Variants in NKAIN2 observed in about 807,000 individuals in gnomAD.
NKAIN2 encodes the protein sodium/potassium transporting ATPase interacting 2.
NKAIN2 carries 14 observed loss-of-function variants against 32.6 expected under a neutral mutation model. That is an observed-to-expected ratio of 0.43 (90% confidence interval 0.28 to 0.67). NKAIN2 has a LOEUF of 0.67. Among genes scored for constraint, NKAIN2 ranks in the 30% least tolerant of loss-of-function variants. The pLI is 0.17. For missense variants in NKAIN2, 198 were observed against 258.3 expected (o/e 0.77, Z 1.60); for synonymous variants, 80 against 87.2 (o/e 0.92, Z 0.46).
intron 1 of NKAIN2, among the ~76,000 whole-genome samples, chr6:123,841,670 G>A (rs1481782827): frequency 1.3e-5 from 2 of 152,126 alleles, no homozygotes; most frequent in African/African-American, 2.4e-5. Flanking sequence ...CAATGGTCAC[G>A]GGAACCACTT....
intron 1 of NKAIN2, among the ~76,000 whole-genome samples, chr6:123,990,496 T>C (rs1359758303): frequency 6.6e-6 from 1 of 152,180 alleles, no homozygotes; most frequent in Non-Finnish European, 1.5e-5. Context: ...GTTGTAAGAC[T>C]AGTGCTGTTG....
intron 4 of NKAIN2, among the ~76,000 whole-genome samples, chr6:124,739,985 C>T (rs1236255567): frequency 1.3e-5 from 2 of 151,932 alleles, no homozygotes; most frequent in South Asian, 4.1e-4. Context: ...AGTGCCCCTC[C>T]AGCTGTTTCA....
intron 1 of NKAIN2, among the ~76,000 whole-genome samples, chr6:124,021,674 G>C (rs141766607): frequency 6.6e-6 from 1 of 151,572 alleles, no homozygotes; most frequent in Admixed American, 6.6e-5. Flanking sequence ...TTGCCTTATA[G>C]GCTTATAAAT....
At chr6:124,034,503 T>A (rs1781528533) in intron 1 of NKAIN2, among the ~76,000 whole-genome samples, 1 of 152,118 alleles carries the variant, frequency 6.6e-6, no homozygotes, top group South Asian at 2.1e-4. Context: ...ATCACATTTT[T>A]AAAATTCAGT....
intron 4 of NKAIN2, among the ~76,000 whole-genome samples, chr6:124,703,274 A>G (rs1273399842): frequency 1.5e-5 from 2 of 129,714 alleles, no homozygotes. Context: ...AGACTAAAGG[A>G]AAAAAAAACA....
In NKAIN2 at chr6:124,123,728, C is replaced by T. The variant is rs148902127; in HGVS notation, c.55-159277C>T. ...AGTTATGTTATAAGTAAATATTGAC[C>T]TCCTGAATCATATACTACCAAATGG... is the stretch of plus-strand genomic sequence containing the variant. On this transcript the variant is annotated intron_variant, in intron 1 of 6. Coordinates refer to ENST00000368417, the MANE Select transcript of NKAIN2 (RefSeq NM_001040214.3). Among the ~76,000 whole-genome samples, 1,140 of 152,184 alleles carry T rather than the reference C, an allele frequency of 7.5e-3. 14 individuals carry two copies. The highest frequency in any genetic ancestry group is 0.027 in the African/African-American group (1,102 of 41,522).
chr6:124,280,341 A>G (rs2114912778), intron 1 of NKAIN2, among the ~76,000 whole-genome samples: 1 of 152,352 alleles, frequency 6.6e-6, no homozygotes. Context: ...CATATATTAT[A>G]TAATCAGCAT....
At chr6:123,827,489 A>G (rs1225047398) in intron 1 of NKAIN2, among the ~76,000 whole-genome samples, 1 of 152,182 alleles carries the variant, frequency 6.6e-6, no homozygotes, top group African/African-American at 2.4e-5. Flanking sequence ...TTTTGTTTTT[A>G]TTAAATTCAG....
chr6:124,778,358 A>C (rs1188929127), intron 4 of NKAIN2, among the ~76,000 whole-genome samples: 1 of 148,960 alleles, frequency 6.7e-6, no homozygotes, highest in Admixed American at 6.7e-5. Context: ...TAATACTTCA[A>C]AAAAAAAAAG....
chr6:123,920,123 G>A lies in NKAIN2; in HGVS notation c.54+115869G>A, dbSNP rs549933885. Among the ~76,000 whole-genome samples the A allele has an allele frequency of 5.3e-5, 8 of 152,126 alleles. No individual in the cohort carries two copies. The East Asian group carries it at 1.4e-3, about 26-fold the overall frequency. ...TATGATGGAAAGACAAAATCAATAT[G>A]AAATAAAATTTATGTAAGTACTGTT... On this transcript the variant is annotated intron_variant, in intron 1 of 6. Coordinates refer to ENST00000368417, the MANE Select transcript of NKAIN2 (RefSeq NM_001040214.3).
At chr6:124,566,599 G>C (rs1482666916) in intron 3 of NKAIN2, among the ~76,000 whole-genome samples, 1 of 152,068 alleles carries the variant, frequency 6.6e-6, no homozygotes, top group African/African-American at 2.4e-5. Flanking sequence ...TTTCTCTGCA[G>C]GATATTAATG....
rs1481455927 is a variant in NKAIN2, at chr6:123,924,249, G to T, written c.54+119995G>T. Among the ~76,000 whole-genome samples the T allele has an allele frequency of 2.6e-5, 4 of 152,228 alleles. No individual in the cohort carries two copies. The East Asian group carries it at 5.8e-4, about 22-fold the overall frequency. ...CACCTAGTAAAATTCCATCTGGGTG[G>T]CAGTAATGCCGGTGAGTCTTTGGTC... On this transcript the variant is annotated intron_variant, in intron 1 of 6. Coordinates refer to ENST00000368417, the MANE Select transcript of NKAIN2 (RefSeq NM_001040214.3).
intron 1 of NKAIN2, among the ~76,000 whole-genome samples, chr6:124,219,084 A>C (rs1023267502): frequency 6.6e-6 from 1 of 152,094 alleles, no homozygotes; most frequent in African/African-American, 2.4e-5. Flanking sequence ...ACACGTGGGA[A>C]TAACAGGTTG....
intron 3 of NKAIN2, among the ~76,000 whole-genome samples, chr6:124,506,845 C>T (rs1013729386): frequency 6.6e-6 from 1 of 152,176 alleles, no homozygotes; most frequent in Non-Finnish European, 1.5e-5. Context: ...AAATGCATTG[C>T]TGATCCCCAC....
At chr6:124,101,122 G>A (rs1019727182) in intron 1 of NKAIN2, among the ~76,000 whole-genome samples, 5 of 152,122 alleles carry the variant, frequency 3.3e-5, no homozygotes, top group Non-Finnish European at 5.9e-5. Context: ...AAAAGCAATA[G>A]TACACTGTAC....
rs185086275 is a variant in NKAIN2 at position 124,652,634 on chromosome 6, A to G, written c.274-5552A>G. Among the ~76,000 whole-genome samples the G allele has an allele frequency of 2.1e-3, 320 of 152,156 alleles. 4 individuals are homozygous for G. The highest frequency in any genetic ancestry group is 7.3e-3 in the African/African-American group (302 of 41,530). On this transcript the variant is annotated intron_variant, in intron 3 of 6. Coordinates refer to ENST00000368417, the MANE Select transcript of NKAIN2 (RefSeq NM_001040214.3). ...TTTCTCACAATTCTGGAGGCTGGGC[A>G]CTCTAAAATCAAGGGGCCGGCATCC...
chr6:124,748,242 G>C (rs1777532739), intron 4 of NKAIN2, among the ~76,000 whole-genome samples: 1 of 152,002 alleles, frequency 6.6e-6, no homozygotes, highest in African/African-American at 2.4e-5. Flanking sequence ...CTATGCAACT[G>C]TTGGTTTACA....
At chr6:124,497,559 A>T (rs1048615565) in intron 3 of NKAIN2, among the ~76,000 whole-genome samples, 5 of 152,146 alleles carry the variant, frequency 3.3e-5, no homozygotes, top group Non-Finnish European at 5.9e-5. Flanking sequence ...AATCAGTAAC[A>T]AAAAGATGGA....
At chr6:124,397,239 A>G (rs562317222) in intron 3 of NKAIN2, among the ~76,000 whole-genome samples, 48 of 152,200 alleles carry the variant, frequency 3.2e-4, no homozygotes, top group African/African-American at 1.1e-3. Context: ...AACAGTTTGT[A>G]TAAATTGCAT....
Sources: gnomAD v4.1 joint callset for allele counts (sites outside exome capture counted in the v4.1 genomes callset) on GRCh38, gnomAD v4.1.1 for gene constraint, MANE v1.5 for transcripts, NCBI Gene and HGNC (gene_info 2026-07-23, HGNC 2026-07-21) for gene names.